The following NFIB variants were observed in gnomAD, a reference collection of about 807,000 sequenced individuals.
NFIB encodes nuclear factor I B, also known as nuclear factor 1 B-type.
In NFIB, 11 loss-of-function variants were observed where a neutral mutation model predicts 61.5. The ratio of observed to expected loss-of-function variants is 0.18; its 90% confidence interval spans 0.11 to 0.30. The LOEUF (loss-of-function observed/expected upper bound fraction) is 0.30. Among genes scored for constraint, NFIB ranks in the 10% least tolerant of loss-of-function variants. The pLI is 1.00. For synonymous variants in NFIB, 260 were observed against 216.5 expected (o/e 1.20, Z -1.76); for missense variants, 471 against 608.9 (o/e 0.77, Z 2.38).
At chr9:14,327,329 G>A (rs2060767216) in intron 1 of NFIB, among the ~76,000 whole-genome samples, 1 of 152,192 alleles carries the variant, frequency 6.6e-6, no homozygotes, top group Admixed American at 6.5e-5. Context: ...ACAGATTCCT[G>A]TTGGCATATC....
At chr9:14,225,391 A>G (rs1281201470) in intron 2 of NFIB, among the ~76,000 whole-genome samples, 1 of 139,338 alleles carries the variant, frequency 7.2e-6, no homozygotes, top group Non-Finnish European at 1.5e-5. Flanking sequence ...CGGGAGGCGG[A>G]GCTTGCAGTG....
intron 1 of NFIB, among the ~76,000 whole-genome samples, chr9:14,319,736 G>T (rs910300860): frequency 6.6e-6 from 1 of 152,200 alleles, no homozygotes; most frequent in Non-Finnish European, 1.5e-5. Flanking sequence ...TATAAAAAGT[G>T]CATGGCAGAG....
chr9:14,468,373 G>C, the NFIB span, among the ~76,000 whole-genome samples: 2 of 152,194 alleles, frequency 1.3e-5, no homozygotes, highest in Admixed American at 6.5e-5. Context: ...AAGGCATTCA[G>C]GGCAGTGAAG....
chr9:14,481,920 T>C, the NFIB span, among the ~76,000 whole-genome samples: 1 of 152,104 alleles, frequency 6.6e-6, no homozygotes, highest in African/African-American at 2.4e-5. Context: ...ATTCCCTGCA[T>C]TGGCACCATT....
chr9:14,394,064 C>T (rs1433855228), intron 1 of NFIB, among the ~76,000 whole-genome samples: 1 of 152,218 alleles, frequency 6.6e-6, no homozygotes, highest in African/African-American at 2.4e-5. Context: ...ATCCATCCTA[C>T]TTCAATAGTC....
intron 2 of NFIB, among the ~76,000 whole-genome samples, chr9:14,256,289 A>G (rs2056213036): frequency 6.6e-6 from 1 of 152,206 alleles, no homozygotes; most frequent in Non-Finnish European, 1.5e-5. Context: ...ATTCCATACC[A>G]AAACATGGTT....
intron 10 of NFIB, among the ~76,000 whole-genome samples, chr9:14,103,177 A>T (rs2118860991): frequency 6.6e-6 from 1 of 152,310 alleles, no homozygotes; most frequent in Non-Finnish European, 1.5e-5. Flanking sequence ...TACAAGCTGA[A>T]ACAAATTCTT....
chr9:14,499,729 T>C, the NFIB span, among the ~76,000 whole-genome samples: 15 of 152,054 alleles, frequency 9.9e-5, no homozygotes, highest in Admixed American at 6.5e-5. Context: ...TGAGTGCAAA[T>C]CTCATGCCTT....
chr9:14,312,503 G>A (rs1325376603), intron 1 of NFIB, among the ~76,000 whole-genome samples: 1 of 152,140 alleles, frequency 6.6e-6, no homozygotes, highest in Non-Finnish European at 1.5e-5. Flanking sequence ...AACAGTTCTG[G>A]GCTAAGATAT....
At chr9:14,206,695 CAAAAA>C (rs889983433) in intron 2 of NFIB, among the ~76,000 whole-genome samples, 2 of 71,276 alleles carry the variant, frequency 2.8e-5, no homozygotes, top group African/African-American at 9.4e-5. Context: ...ACATGCTTTA[CAAAAA>C]AAAAAAAAAA....
At chr9:14,485,934 T>A in the NFIB span, among the ~76,000 whole-genome samples, 3 of 152,064 alleles carry the variant, frequency 2.0e-5, no homozygotes, top group African/African-American at 7.2e-5. Flanking sequence ...ACAGTCCCTG[T>A]CCTTACAATG....
At chr9:14,427,949 T>TTTTTTTG in the NFIB span, among the ~76,000 whole-genome samples, 36 of 90,082 alleles carry the variant, frequency 4.0e-4, no homozygotes, top group African/African-American at 1.9e-3. Flanking sequence ...TTTTTTTTTT[T>TTTTTTTG]TTTTTTTTTT....
the NFIB span, among the ~76,000 whole-genome samples, chr9:14,482,535 C>T: frequency 6.6e-6 from 1 of 152,136 alleles, no homozygotes; most frequent in Admixed American, 6.5e-5. Flanking sequence ...TCACATAGAA[C>T]GTAAGTAAAG....
At chr9:14,491,284 T>G in the NFIB span, among the ~76,000 whole-genome samples, 2 of 151,986 alleles carry the variant, frequency 1.3e-5, no homozygotes, top group Non-Finnish European at 2.9e-5. Flanking sequence ...GCACATAGGC[T>G]TTTGACATAT....
the NFIB span, among the ~76,000 whole-genome samples, chr9:14,440,403 G>T: frequency 3.3e-5 from 5 of 152,068 alleles, no homozygotes; most frequent in African/African-American, 4.8e-5. Context: ...TTTTTTTTAT[G>T]GTTAGGTGTT....
intron 1 of NFIB, among the ~76,000 whole-genome samples, chr9:14,308,842 T>A (rs1311008689): frequency 6.6e-6 from 1 of 152,216 alleles, no homozygotes; most frequent in African/African-American, 2.4e-5. Flanking sequence ...GAATGGTGGA[T>A]AATCTTTACC....
At chr9:14,257,231 A>C (rs916272314) in intron 2 of NFIB, among the ~76,000 whole-genome samples, 1 of 152,202 alleles carries the variant, frequency 6.6e-6, no homozygotes, top group African/African-American at 2.4e-5. Flanking sequence ...AATGAGATAC[A>C]CATATATAAA....
At chr9:14,424,352 T>C in the NFIB span, among the ~76,000 whole-genome samples, 1 of 152,176 alleles carries the variant, frequency 6.6e-6, no homozygotes, top group Non-Finnish European at 1.5e-5. Flanking sequence ...GTGAAAAAAG[T>C]GTTCGAGGGT....
At chr9:14,382,484 G>A (rs2061500398) in intron 1 of NFIB, among the ~76,000 whole-genome samples, 1 of 152,102 alleles carries the variant, frequency 6.6e-6, no homozygotes, top group Non-Finnish European at 1.5e-5. Context: ...GGAGAGAGGT[G>A]ACTATATTTT....
Sources: gnomAD v4.1 joint callset for allele counts (sites outside exome capture counted in the v4.1 genomes callset) on GRCh38, gnomAD v4.1.1 for gene constraint, MANE v1.5 for transcripts, NCBI Gene and HGNC (gene_info 2026-07-23, HGNC 2026-07-21) for gene names.